Variants in MZT2A observed in about 807,000 individuals in gnomAD.
MZT2A encodes mitotic spindle organizing protein 2A.
In MZT2A, 8 loss-of-function variants were observed where a neutral mutation model predicts 12.4. The ratio of observed to expected loss-of-function variants is 0.64; its 90% CI spans 0.38 to 1.16. The LOEUF is 1.16. Among genes scored for constraint, MZT2A ranks in the 50% most tolerant of loss-of-function variants. The pLI is 0.01. For missense variants in MZT2A, 181 were observed against 223.6 expected, an observed-to-expected ratio of 0.81 and a Z score of 1.22; for synonymous variants, 88 against 107.5, an observed-to-expected ratio of 0.82 and a Z score of 1.12.
chr2:131,489,078 C>CA (rs1679175830), intron 2 of MZT2A, among the ~76,000 whole-genome samples: 1 of 152,250 alleles, frequency 6.6e-6, no homozygotes, highest in Non-Finnish European at 1.5e-5. Context: ...CCCACTGCCC[C>CA]AGCTCACACG....
intron 3 of MZT2A, among the ~76,000 whole-genome samples, chr2:131,471,775 G>A (rs972293637): frequency 2.6e-5 from 4 of 151,892 alleles, no homozygotes; most frequent in East Asian, 3.9e-4. Flanking sequence ...TGCTTACTCC[G>A]CGGGGTTGAA....
chr2:131,474,421 T>TC (rs1678584923), intron 2 of MZT2A, among the ~76,000 whole-genome samples: 1 of 125,094 alleles, frequency 8.0e-6, no homozygotes. Flanking sequence ...TTTTTTTTTT[T>TC]TTTTTTGAGA....
chr2:131,491,986 A>AG lies in MZT2A; in HGVS notation c.208dup (p.Leu70ProfsTer112), dbSNP rs770250515. 4 of 1,551,120 alleles carry AG rather than the reference A, an allele frequency of 2.6e-6. No individual in the cohort carries two copies. In the South Asian group the frequency reaches 3.6e-5, roughly 14 times the overall value. ...GGACTTGAGCATCTGGAAGACGGCG[A>AG]GGGGGGCCACGTTCAGCTTCAGCAG... is the stretch of plus-strand genomic sequence containing the variant. On this transcript the variant is annotated frameshift_variant, in exon 2 of 3. Transcript: ENST00000309451. LOFTEE classifies it high-confidence loss of function.
chr2:131,492,796 G>GGGGGGGGGGGGGGC, upstream of MZT2A: 1 of 853,206 alleles, frequency 1.2e-6, no homozygotes, highest in Non-Finnish European at 1.7e-6. Context: ...GGGGTGGGGG[G>GGGGGGGGGGGGGGC]CACTAATCAA....
downstream of MZT2A, chr2:131,479,323 G>C: frequency 6.2e-7 from 1 of 1,613,938 alleles, no homozygotes; most frequent in Non-Finnish European, 8.5e-7. Flanking sequence ...GTGCGCACAG[G>C]GACCTACAGG....
chr2:131,469,754 T>TA (rs1302237512), intron 4 of MZT2A: 2 of 144,782 alleles, frequency 1.4e-5, no homozygotes, highest in Non-Finnish European at 2.9e-5. Flanking sequence ...ATTAAGGTCA[T>TA]ACAAAAGTCC....
intron 3 of MZT2A, chr2:131,471,999 T>C (rs949338903): frequency 1.0e-5 from 13 of 1,245,564 alleles, no homozygotes; most frequent in Non-Finnish European, 1.4e-5. Flanking sequence ...TAAACATCTG[T>C]ATGAACAGAA....
chr2:131,472,923 C>A (rs1033454305), intron 2 of MZT2A, among the ~76,000 whole-genome samples: 15 of 147,038 alleles, frequency 1.0e-4, no homozygotes, highest in Admixed American at 2.0e-4. Flanking sequence ...CCCCCCCCAC[C>A]AATATTAGAC....
At chr2:131,475,610 C>G (rs1678633087) in intron 2 of MZT2A, among the ~76,000 whole-genome samples, 1 of 152,136 alleles carries the variant, frequency 6.6e-6, no homozygotes, top group East Asian at 1.9e-4. Flanking sequence ...GGATTGCGGG[C>G]GTTAGCCATC....
At chr2:131,492,593 C>CA, upstream of MZT2A, 1 of 1,187,408 alleles carries the variant, frequency 8.4e-7, no homozygotes, top group Non-Finnish European at 1.0e-6. Context: ...TCGGGAGTGG[C>CA]ATGGCGGACT....
At chr2:131,490,862 C>G (rs923445875) in intron 2 of MZT2A, 1 of 1,550,022 alleles carries the variant, frequency 6.5e-7, no homozygotes, top group Non-Finnish European at 8.7e-7. Flanking sequence ...TGCAGGGGGG[C>G]TACTGTTCCT....
chr2:131,477,355 A>T (rs929687911), intron 2 of MZT2A, among the ~76,000 whole-genome samples: 14 of 152,200 alleles, frequency 9.2e-5, no homozygotes, highest in Non-Finnish European at 1.6e-4. Context: ...TAAAGAAACC[A>T]CCAAAGGACA....
upstream of MZT2A, among the ~76,000 whole-genome samples, chr2:131,493,355 G>C (rs1401373194): frequency 6.6e-6 from 1 of 152,198 alleles, no homozygotes. Flanking sequence ...CGCGCCGCTC[G>C]TACACTCTGT....
chr2:131,482,714 T>C, downstream of MZT2A: 1 of 1,614,104 alleles, frequency 6.2e-7, no homozygotes, highest in African/African-American at 1.3e-5. Flanking sequence ...CTTTGTGCAC[T>C]GGTACGTGGG....
chr2:131,473,357 T>C (rs10205654), intron 2 of MZT2A, among the ~76,000 whole-genome samples: 19,892 of 143,136 alleles, frequency 0.14, 2,728 homozygotes, highest in African/African-American at 0.36. Context: ...CCTGATTGCA[T>C]TGTTCAGAGG....
chr2:131,488,309 G>T (rs1034578535), intron 2 of MZT2A, among the ~76,000 whole-genome samples: 1 of 152,048 alleles, frequency 6.6e-6, no homozygotes, highest in Non-Finnish European at 1.5e-5. Flanking sequence ...GACAAGCATC[G>T]ACCCTCTGTG....
intron 2 of MZT2A, among the ~76,000 whole-genome samples, chr2:131,475,182 CG>C (rs1482323115): frequency 1.3e-5 from 2 of 151,878 alleles, no homozygotes; most frequent in Non-Finnish European, 2.9e-5. Context: ...GGTCTCACCA[CG>C]TTGCCCAGGC....
chr2:131,480,843 C>G, downstream of MZT2A: 1 of 1,518,936 alleles, frequency 6.6e-7, no homozygotes, highest in South Asian at 1.3e-5. Flanking sequence ...GAGATTATCC[C>G]TGTTCCATGG....
chr2:131,493,289 G>A (rs1573882052), upstream of MZT2A: 6 of 1,326,560 alleles, frequency 4.5e-6, no homozygotes, highest in East Asian at 9.1e-5. Context: ...GGGAGTGGAG[G>A]GCCCCGGCTG....
Sources: allele counts gnomAD v4.1 joint callset (sites outside exome capture counted in the v4.1 genomes callset), GRCh38; gene constraint gnomAD v4.1.1; transcripts MANE v1.5; gene names NCBI Gene and HGNC (gene_info 2026-07-23, HGNC 2026-07-21).